The following PCGF5 variants were observed in gnomAD, a reference collection of about 807,000 sequenced individuals.
PCGF5 encodes the protein polycomb group ring finger 5, also known as polycomb group RING finger protein 5.
Under a neutral mutation model 44.3 loss-of-function variants are expected in PCGF5, and 9 were observed. The observed-to-expected ratio is 0.20, with a 90% confidence interval of 0.12 to 0.35. The LOEUF is 0.35. PCGF5 is among the 10% of genes least tolerant of loss of function. The pLI is 1.00. For missense variants in PCGF5, 146 were observed against 305.3 expected, an observed-to-expected ratio of 0.48 and a Z score of 3.89; for synonymous variants, 95 against 102.5, an observed-to-expected ratio of 0.93 and a Z score of 0.44.
chr10:91,160,005 A>G (rs1003809403), upstream of PCGF5, among the ~76,000 whole-genome samples: 2 of 152,194 alleles, frequency 1.3e-5, no homozygotes, highest in African/African-American at 4.8e-5. Context: ...TAATACGCTC[A>G]TGGTTAATCT....
intron 1 of PCGF5, among the ~76,000 whole-genome samples, chr10:91,167,725 A>G (rs1028246288): frequency 2.6e-5 from 4 of 152,210 alleles, no homozygotes; most frequent in African/African-American, 9.7e-5. Context: ...AAGTATCAGA[A>G]ATATTTTAAA....
chr10:91,281,013 G>C lies in PCGF5; in HGVS notation c.*2697G>C, dbSNP rs186011849. The C allele has an allele frequency of 2.0e-5, 3 of 152,482 alleles. No homozygotes were observed. Among genetic ancestry groups the C allele is most frequent in the Non-Finnish European group, 2.9e-5 (2 of 67,858 alleles). The allele number at this position is 152,482 out of a possible 1,614,324, so 9.4% of individuals were successfully genotyped here. On this transcript the variant is annotated 3_prime_UTR_variant, in exon 10 of 10. Coordinates refer to ENST00000336126, the MANE Select transcript of PCGF5 (RefSeq NM_032373.5). ...TTTGTTATCTCTTTTATCTGCCTTA[G>C]AAATTATAAGTATAAAAGGGTCAAG...
chr10:91,240,376 T>C (rs1845290942), intron 2 of PCGF5, 108 bp from the exon 3 acceptor site: 3 of 638,798 alleles, frequency 4.7e-6, no homozygotes, highest in Non-Finnish European at 8.2e-6. Context: ...AATAATGATA[T>C]TCTACTTGTA....
At chr10:91,214,543 G>A (rs1450906447) in intron 1 of PCGF5, among the ~76,000 whole-genome samples, 2 of 152,276 alleles carry the variant, frequency 1.3e-5, no homozygotes, top group African/African-American at 4.8e-5. Flanking sequence ...TGAGAAATAG[G>A]AGACAATTTG....
rs543794690 is a variant in PCGF5 at position 91,171,471 on chromosome 10, T to C, written c.-184+8390T>C. ...AAGTTGCTAGAAGGCCTTAGCCTAG[T>C]GATAGGATGAATCACTCCTGTATTT... is the stretch of plus-strand genomic sequence containing the variant. On this transcript the variant is annotated intron_variant, in intron 1 of 9. Transcript: ENST00000614189. 5.3e-5 allele frequency among the ~76,000 whole-genome samples: 8 copies of C among 152,218 alleles called. No individual in the cohort carries two copies. The East Asian group carries it at 1.5e-3, about 29-fold the overall frequency.
chr10:91,269,302 T>C (rs1052129722), intron 8 of PCGF5, among the ~76,000 whole-genome samples: 4 of 152,230 alleles, frequency 2.6e-5, no homozygotes, highest in African/African-American at 9.6e-5. Context: ...ATCTGATCTG[T>C]CATCCATCTA....
chr10:91,179,920 G>A (rs1331303871), intron 1 of PCGF5, among the ~76,000 whole-genome samples: 2 of 152,100 alleles, frequency 1.3e-5, no homozygotes, highest in Non-Finnish European at 2.9e-5. Flanking sequence ...TTGAGGAATC[G>A]CCATACTGTT....
intron 1 of PCGF5, among the ~76,000 whole-genome samples, chr10:91,180,009 T>A (rs1414922065): frequency 6.6e-6 from 1 of 152,126 alleles, no homozygotes; most frequent in African/African-American, 2.4e-5. Flanking sequence ...CACCAGCACC[T>A]ATTTTTTTTT....
chr10:91,240,717 TATTTTA>T (rs1845300640), intron 3 of PCGF5, 137 bp downstream of exon 3: 2 of 443,866 alleles, frequency 4.5e-6, no homozygotes, highest in African/African-American at 4.0e-5. Context: ...TAAAGCATTT[TATTTTA>T]AAGTATTTTA....
At chr10:91,176,728 A>G (rs1205338279) in intron 1 of PCGF5, among the ~76,000 whole-genome samples, 1 of 152,176 alleles carries the variant, frequency 6.6e-6, no homozygotes, top group African/African-American at 2.4e-5. Flanking sequence ...TTCGTCACGT[A>G]GTTCTTGTGC....
At chr10:91,247,320 A>G (rs1845492244) in intron 3 of PCGF5, among the ~76,000 whole-genome samples, 1 of 152,162 alleles carries the variant, frequency 6.6e-6, no homozygotes, top group Non-Finnish European at 1.5e-5. Context: ...TAAAAATTTT[A>G]AACCTATTCA....
intron 1 of PCGF5, among the ~76,000 whole-genome samples, chr10:91,194,755 A>C (rs548001948): frequency 6.6e-6 from 1 of 152,286 alleles, no homozygotes; most frequent in African/African-American, 2.4e-5. Context: ...AGAGATAGAG[A>C]AGAGAAGAGG....
intron 1 of PCGF5, among the ~76,000 whole-genome samples, chr10:91,192,342 T>G (rs1589361201): frequency 6.6e-6 from 1 of 152,384 alleles, no homozygotes; most frequent in East Asian, 1.9e-4. Context: ...TGAAGCATTC[T>G]TATTTTCATA....
intron 2 of PCGF5, among the ~76,000 whole-genome samples, chr10:91,223,741 T>C (rs1312042076): frequency 1.3e-5 from 2 of 152,188 alleles, no homozygotes; most frequent in Non-Finnish European, 2.9e-5. Context: ...CAAAATGAGA[T>C]ATATGTGATT....
chr10:91,266,101 T>A (rs1358691629), intron 8 of PCGF5, among the ~76,000 whole-genome samples: 1 of 152,192 alleles, frequency 6.6e-6, no homozygotes, highest in Non-Finnish European at 1.5e-5. Flanking sequence ...AGGTAGTAAA[T>A]TCTTTCTTAC....
At chr10:91,211,527 T>G (rs1035704910) in intron 1 of PCGF5, among the ~76,000 whole-genome samples, 1 of 152,228 alleles carries the variant, frequency 6.6e-6, no homozygotes, top group African/African-American at 2.4e-5. Context: ...CTGATCTGCA[T>G]AAATGTGAAA....
At chr10:91,167,302 C>T (rs573743793) in intron 1 of PCGF5, among the ~76,000 whole-genome samples, 21 of 152,156 alleles carry the variant, frequency 1.4e-4, no homozygotes, top group Admixed American at 1.0e-3. Flanking sequence ...CATAGATACT[C>T]TTTCTTTAAG....
chr10:91,260,840 A>G (rs1249411664), intron 6 of PCGF5, among the ~76,000 whole-genome samples: 1 of 151,284 alleles, frequency 6.6e-6, no homozygotes, highest in Non-Finnish European at 1.5e-5. Context: ...GGATAGCAGT[A>G]GGAGATATAC....
intron 3 of PCGF5, among the ~76,000 whole-genome samples, chr10:91,243,746 C>T (rs1470993225): frequency 6.6e-6 from 1 of 151,654 alleles, no homozygotes; most frequent in Non-Finnish European, 1.5e-5. Context: ...CTTTATTGTT[C>T]AATAAATAAA....
Sources: allele counts gnomAD v4.1 joint callset (sites outside exome capture counted in the v4.1 genomes callset), GRCh38; gene constraint gnomAD v4.1.1; transcripts MANE v1.5; gene names NCBI Gene and HGNC (gene_info 2026-07-23, HGNC 2026-07-21).